Variants in MAPRE3 observed in about 807,000 individuals in gnomAD.
MAPRE3 encodes microtubule-associated protein RP/EB family member 3.
MAPRE3 carries 2 observed loss-of-function variants against 30.5 expected under a neutral mutation model. That is an observed-to-expected ratio of 0.07 (90% confidence interval 0.03 to 0.21). MAPRE3 has a LOEUF of 0.21. Ranked by LOEUF, MAPRE3 falls within the 10% of genes least tolerant of loss-of-function variation. The pLI, the probability that MAPRE3 is intolerant of heterozygous loss-of-function variation, is 1.00. For missense variants in MAPRE3, 204 were observed against 351.8 expected, an observed-to-expected ratio of 0.58 and a Z score of 3.36; for synonymous variants, 110 against 127.7, an observed-to-expected ratio of 0.86 and a Z score of 0.93.
At chr2:26,972,001 CCAAA>C (rs1052006381) in intron 1 of MAPRE3, among the ~76,000 whole-genome samples, 9 of 152,138 alleles carry the variant, frequency 5.9e-5, no homozygotes, top group African/African-American at 1.7e-4. Context: ...GAAGAGGGTC[CCAAA>C]CAGTTTTCTT....
chr2:27,019,550 A>G (rs1054778726), intron 1 of MAPRE3, among the ~76,000 whole-genome samples: 14 of 152,208 alleles, frequency 9.2e-5, no homozygotes, highest in East Asian at 3.9e-4. Flanking sequence ...AACAAGTCCA[A>G]TGGTGAGCGC....
In MAPRE3 at chr2:26,985,092, A is replaced by T. The variant is rs1666192367; in HGVS notation, c.-8+14290A>T. 6.6e-6 allele frequency: 1 copy of T among 152,204 alleles called. No individual in the cohort carries two copies. Among genetic ancestry groups the T allele is most frequent in the Admixed American group, 6.5e-5 (1 of 15,280 alleles). The allele number at this position is 152,204 out of a possible 1,614,324, so 9.4% of individuals were successfully genotyped here. On this transcript the variant is annotated intron_variant, in intron 1 of 6. Coordinates refer to ENST00000233121, the MANE Select transcript of MAPRE3 (RefSeq NM_012326.4). This position sits in a 1 kb window ranked among gnomAD's most constrained non-coding sequence, Gnocchi z 4.2. ...GCCTGAGTTTACTGCAGCATTTGGG[A>T]AGGAGTAGAAGGGACATCCCTAGGT...
At chr2:26,994,481 A>T (rs1666411761) in intron 1 of MAPRE3, among the ~76,000 whole-genome samples, 1 of 152,234 alleles carries the variant, frequency 6.6e-6, no homozygotes, top group Non-Finnish European at 1.5e-5. Flanking sequence ...AGCTAAGCAG[A>T]GTGGTCCATT....
intron 1 of MAPRE3, among the ~76,000 whole-genome samples, chr2:26,972,640 G>T (rs547841988): frequency 6.6e-6 from 1 of 152,336 alleles, no homozygotes; most frequent in East Asian, 1.9e-4. Context: ...GCAGACAGCT[G>T]TACTGGAGAG....
chr2:26,982,389 C>T (rs1004512790), intron 1 of MAPRE3, among the ~76,000 whole-genome samples: 4 of 152,226 alleles, frequency 2.6e-5, no homozygotes, highest in South Asian at 2.1e-4. Flanking sequence ...CCTGTGGAAA[C>T]GGAAAAGCTA....
chr2:27,026,116 GGAGAACATTTACTGATGA>G (rs1166724858), intron 6 of MAPRE3, 84 bp downstream of exon 6: 5 of 1,540,898 alleles, frequency 3.2e-6, no homozygotes, highest in Middle Eastern at 1.8e-4. Flanking sequence ...AAGGGACCGT[GGAGAACATTTACTGATGA>G]GAGAGAGGTG....
chr2:26,989,030 T>C (rs1278118954), intron 1 of MAPRE3, among the ~76,000 whole-genome samples: 1 of 152,188 alleles, frequency 6.6e-6, no homozygotes. Context: ...TATTATTCAT[T>C]CTTGCTGCCC....
chr2:27,019,267 G>A (rs1667059702), intron 1 of MAPRE3, among the ~76,000 whole-genome samples: 1 of 151,472 alleles, frequency 6.6e-6, no homozygotes, highest in South Asian at 2.1e-4. Flanking sequence ...AGGATCATGG[G>A]CACATGTCTC....
intron 4 of MAPRE3, 135 bp from the exon 5 acceptor site, chr2:27,025,433 GCTGTAGATGCCCTTC>G (rs1183824679): frequency 1.3e-6 from 1 of 757,422 alleles, no homozygotes; most frequent in Non-Finnish European, 2.1e-6. Flanking sequence ...TCGGGGCCTA[GCTGTAGATGCCCTTC>G]CTGGGGTGGG....
At chr2:26,971,094 G>T (rs1665907892) in intron 1 of MAPRE3, among the ~76,000 whole-genome samples, 1 of 149,136 alleles carries the variant, frequency 6.7e-6, no homozygotes, top group African/African-American at 2.4e-5. Context: ...CGTGGCCACC[G>T]CACCTCTGCC....
intron 1 of MAPRE3, among the ~76,000 whole-genome samples, chr2:27,010,825 A>G (rs1307934163): frequency 1.3e-5 from 2 of 152,190 alleles, no homozygotes; most frequent in Non-Finnish European, 2.9e-5. Flanking sequence ...TATCTACCTG[A>G]AGTGCTGCAG....
chr2:26,980,436 T>C (rs1270082734), intron 1 of MAPRE3, among the ~76,000 whole-genome samples: 8 of 152,270 alleles, frequency 5.3e-5, no homozygotes, highest in Non-Finnish European at 1.5e-5. Flanking sequence ...GTTCTTAAAA[T>C]ATATTTTGTG....
intron 1 of MAPRE3, among the ~76,000 whole-genome samples, chr2:26,975,887 C>T (rs1666006392): frequency 6.7e-6 from 1 of 149,978 alleles, no homozygotes; most frequent in African/African-American, 2.5e-5. Flanking sequence ...TCCAAAGTGG[C>T]TGCTTCCCGG....
At chr2:27,021,434 G>A (rs1667108629) in intron 1 of MAPRE3, among the ~76,000 whole-genome samples, 1 of 152,202 alleles carries the variant, frequency 6.6e-6, no homozygotes, top group Non-Finnish European at 1.5e-5. Flanking sequence ...ACAGGAGCCA[G>A]AAGCATATTC....
At chr2:26,984,336 C>T (rs1666175305) in intron 1 of MAPRE3, among the ~76,000 whole-genome samples, 1 of 152,164 alleles carries the variant, frequency 6.6e-6, no homozygotes, top group African/African-American at 2.4e-5. Flanking sequence ...AACTCTGTCC[C>T]CCAAAGAGAA....
chr2:26,972,192 T>TA (rs1312952229), intron 1 of MAPRE3, among the ~76,000 whole-genome samples: 2 of 152,222 alleles, frequency 1.3e-5, no homozygotes, highest in Non-Finnish European at 1.5e-5. Flanking sequence ...AAGCCAGATC[T>TA]ACCGCACAAG....
At chr2:27,023,290 G>T in intron 2 of MAPRE3, 42 bp from the exon 3 acceptor site, 1 of 1,567,844 alleles carries the variant, frequency 6.4e-7, no homozygotes. Flanking sequence ...GCTCACAGAA[G>T]GAGAGCAGCA....
At chr2:27,023,962 G>C (rs1488791023) in intron 3 of MAPRE3, 134 bp from the exon 4 acceptor site, 2 of 658,404 alleles carry the variant, frequency 3.0e-6, no homozygotes, top group Admixed American at 2.7e-5. Context: ...TGCCGTGGGA[G>C]GGGGGCAAGT....
intron 1 of MAPRE3, among the ~76,000 whole-genome samples, chr2:26,976,583 C>G (rs1666018551): frequency 6.6e-6 from 1 of 152,230 alleles, no homozygotes; most frequent in Non-Finnish European, 1.5e-5. Flanking sequence ...ACCAGCTTTG[C>G]TAAACTGACC....
Sources: allele counts gnomAD v4.1 joint callset (sites outside exome capture counted in the v4.1 genomes callset), GRCh38; gene constraint gnomAD v4.1.1; non-coding constraint Gnocchi (gnomAD v3.1); transcripts MANE v1.5; gene names NCBI Gene and HGNC (gene_info 2026-07-23, HGNC 2026-07-21).